The following WWOX variants were observed in gnomAD, a reference collection of about 807,000 sequenced individuals.
WWOX encodes the protein WW domain containing oxidoreductase, also known as WW domain-containing oxidoreductase.
Under a neutral mutation model 46.2 loss-of-function variants are expected in WWOX, and 69 were observed. The observed-to-expected ratio is 1.49, with a 90% CI of 1.23 to 1.82. WWOX has a LOEUF of 1.82. Ranked by LOEUF, WWOX falls within the 40% of genes most tolerant of loss-of-function variation. The probability of loss-of-function intolerance (pLI) is 0.00; values close to 1 mark genes in which losing one functional copy is unlikely to be tolerated. For missense variants in WWOX, 919 were observed against 542.6 expected (o/e 1.69, Z -6.89); for synonymous variants, 359 against 202.6 (o/e 1.77, Z -6.56).
chr16:78,904,351 G>C (rs533219126), intron 8 of WWOX, among the ~76,000 whole-genome samples: 2 of 147,940 alleles, frequency 1.4e-5, no homozygotes, highest in Non-Finnish European at 3.0e-5. Context: ...CAATTCTCCT[G>C]CCTCAGCGTC....
chr16:78,294,540 G>C (rs1392689292), intron 5 of WWOX, among the ~76,000 whole-genome samples: 2 of 152,098 alleles, frequency 1.3e-5, no homozygotes, highest in Non-Finnish European at 2.9e-5. Flanking sequence ...CCTTGATGCA[G>C]ATTTCCATTT....
Position 78,107,997 on chromosome 16 carries a change from C to T in WWOX, c.108-426C>T, listed in dbSNP as rs143931302. Reference sequence around the variant, plus strand: ...AGGCTGGAGTGCAGCGGCGTGATCTCGGCTCACTGCAACTTCTGCTTCCCT... The same window carrying T: ...AGGCTGGAGTGCAGCGGCGTGATCTTGGCTCACTGCAACTTCTGCTTCCCT... On this transcript the variant is annotated intron_variant, in intron 1 of 8. Transcript: ENST00000566780. Among the ~76,000 whole-genome samples, 1,183 of 151,934 alleles carry T rather than the reference C, an allele frequency of 7.8e-3. 15 individuals carry two copies. The highest frequency in any genetic ancestry group is 0.027 in the African/African-American group (1,125 of 41,390).
At chr16:79,190,211 GACAGGGTTTC>G (rs1287412420) in intron 8 of WWOX, among the ~76,000 whole-genome samples, 2 of 152,012 alleles carry the variant, frequency 1.3e-5, no homozygotes, top group African/African-American at 4.8e-5. Flanking sequence ...TTTTAGTAAA[GACAGGGTTTC>G]ACCGTGTTGG....
intron 5 of WWOX, among the ~76,000 whole-genome samples, chr16:78,181,519 A>G (rs1285167980): frequency 1.3e-5 from 2 of 152,210 alleles, no homozygotes; most frequent in Admixed American, 1.3e-4. Flanking sequence ...TTAAGCCTTA[A>G]TGAAACTAAG....
chr16:78,509,679 A>G (rs1294249675), intron 8 of WWOX, among the ~76,000 whole-genome samples: 1 of 152,190 alleles, frequency 6.6e-6, no homozygotes, highest in Admixed American at 6.5e-5. Flanking sequence ...AACAGGCAAA[A>G]ACTACTGATC....
At chr16:78,828,155 G>C (rs1052373344) in intron 8 of WWOX, among the ~76,000 whole-genome samples, 5 of 152,184 alleles carry the variant, frequency 3.3e-5, no homozygotes, top group Admixed American at 1.3e-4. Context: ...GAATGAGAGA[G>C]GCCAGCTAAT....
At chr16:78,311,372 A>G (rs890602317) in intron 5 of WWOX, among the ~76,000 whole-genome samples, 2 of 152,198 alleles carry the variant, frequency 1.3e-5, no homozygotes, top group Admixed American at 6.5e-5. Flanking sequence ...TTCCTACCAC[A>G]AGGTCCGGAA....
intron 8 of WWOX, among the ~76,000 whole-genome samples, chr16:78,504,569 A>T (rs1204533176): frequency 6.6e-6 from 1 of 152,238 alleles, no homozygotes; most frequent in East Asian, 1.9e-4. Flanking sequence ...CTCATTCCAG[A>T]AGTGGGCGTC....
chr16:78,113,257 C>T (rs1454468498), intron 3 of WWOX, among the ~76,000 whole-genome samples: 1 of 152,172 alleles, frequency 6.6e-6, no homozygotes, highest in Non-Finnish European at 1.5e-5. Context: ...CTCTAATAGT[C>T]ATCCAGGGGA....
At chr16:78,150,887 T>A (rs2034381970) in intron 4 of WWOX, among the ~76,000 whole-genome samples, 1 of 151,762 alleles carries the variant, frequency 6.6e-6, no homozygotes, top group Non-Finnish European at 1.5e-5. Context: ...AGGTTTTTGT[T>A]TTTTTAGACA....
intron 8 of WWOX, among the ~76,000 whole-genome samples, chr16:78,873,711 G>T (rs921613203): frequency 3.3e-5 from 5 of 152,086 alleles, no homozygotes; most frequent in Admixed American, 3.3e-4. Flanking sequence ...ATTGCTTGAG[G>T]CCGGAAGTTC....
intron 8 of WWOX, among the ~76,000 whole-genome samples, chr16:78,766,135 G>A (rs2049920185): frequency 6.6e-6 from 1 of 152,316 alleles, no homozygotes; most frequent in African/African-American, 2.4e-5. Context: ...CCTGATAGTC[G>A]GTGGGAACTG....
At chr16:78,441,830 T>G (rs777713076) in intron 8 of WWOX, among the ~76,000 whole-genome samples, 1 of 152,040 alleles carries the variant, frequency 6.6e-6, no homozygotes, top group African/African-American at 2.4e-5. Context: ...GCAGTAGAAA[T>G]TAAAGATTAT....
At chr16:79,009,400 C>T (rs564611009) in intron 8 of WWOX, among the ~76,000 whole-genome samples, 8 of 152,040 alleles carry the variant, frequency 5.3e-5, no homozygotes, top group African/African-American at 9.6e-5. Context: ...AACTGTGCTA[C>T]GGTTGGGAAG....
chr16:79,015,669 C>A (rs964782124), intron 8 of WWOX, among the ~76,000 whole-genome samples: 1 of 152,102 alleles, frequency 6.6e-6, no homozygotes, highest in Non-Finnish European at 1.5e-5. Flanking sequence ...TCCCTGTCTC[C>A]GTATATTTTC....
intron 8 of WWOX, among the ~76,000 whole-genome samples, chr16:78,556,785 G>A (rs181552855): frequency 5.6e-4 from 85 of 151,838 alleles, no homozygotes; most frequent in Non-Finnish European, 1.0e-3. Context: ...GCATGATCTC[G>A]GCTCACTGCA....
intron 4 of WWOX, among the ~76,000 whole-genome samples, chr16:78,158,049 C>T (rs534847608): frequency 2.0e-5 from 3 of 152,338 alleles, no homozygotes; most frequent in Admixed American, 6.5e-5. Flanking sequence ...ACAGCTTGTA[C>T]GTGCTTAGAA....
intron 5 of WWOX, among the ~76,000 whole-genome samples, chr16:78,286,995 C>T (rs1474503113): frequency 1.3e-5 from 2 of 152,144 alleles, no homozygotes; most frequent in East Asian, 3.9e-4. Context: ...ACTGGGCACC[C>T]ATTCTCTTAG....
intron 5 of WWOX, among the ~76,000 whole-genome samples, chr16:78,172,813 G>A (rs927690845): frequency 6.6e-6 from 1 of 152,110 alleles, no homozygotes; most frequent in Non-Finnish European, 1.5e-5. Flanking sequence ...TTCTTATTAA[G>A]CAATTTTGAC....
Sources: allele counts gnomAD v4.1 joint callset (sites outside exome capture counted in the v4.1 genomes callset), GRCh38; gene constraint gnomAD v4.1.1; transcripts MANE v1.5; gene names NCBI Gene and HGNC (gene_info 2026-07-23, HGNC 2026-07-21).